The following LRRIQ1 variants were observed in gnomAD, a reference collection of about 807,000 sequenced individuals.
LRRIQ1 encodes leucine-rich repeat- and IQ domain-containing protein 1.
LRRIQ1 carries 210 observed loss-of-function variants against 211.9 expected under a neutral mutation model. The ratio of observed to expected loss-of-function variants is 0.99; its 90% CI spans 0.89 to 1.11. The LOEUF is 1.11. Among genes scored for constraint, LRRIQ1 ranks in the 50% most tolerant of loss-of-function variants. The pLI, the probability that LRRIQ1 is intolerant of heterozygous loss-of-function variation, is 0.00. For synonymous variants in LRRIQ1, 699 were observed against 650.1 expected (o/e 1.08, Z -1.14); for missense variants, 2,136 against 1,939.5 (o/e 1.10, Z -1.90).
chr12:85,038,209 A>C lies in LRRIQ1; in HGVS notation c.33A>C (p.Glu11Asp), dbSNP rs1287424421. 6.3e-7 allele frequency: 1 copy of C among 1,582,532 alleles called. No homozygotes were observed. Residue 11 changes from glutamate to aspartate, a missense_variant, in exon 2 of 27, where the codon GAA (glutamate) becomes GAC (aspartate). Physicochemically the swap from Glu to Asp is conservative, Grantham distance 45. Transcript: ENST00000393217. The stretch of plus-strand genomic sequence containing the variant: ...ATGATGATGCAAAGCTCAAAGCAGA[A>C]ATAGAAGCTGAATTGGATAAACTCA... The part of the protein sequence containing the change: MDDDDAKLKA[E>D]IEAELDKLSI...
intron 24 of LRRIQ1, among the ~76,000 whole-genome samples, chr12:85,196,765 G>C (rs2136984326): frequency 6.6e-6 from 1 of 151,328 alleles, no homozygotes; most frequent in Non-Finnish European, 1.5e-5. Context: ...ACATAGGCAT[G>C]GGCAAGGACT....
intron 19 of LRRIQ1, among the ~76,000 whole-genome samples, chr12:85,148,870 TG>T (rs1339564632): frequency 1.3e-5 from 2 of 152,086 alleles, no homozygotes; most frequent in African/African-American, 4.8e-5. Flanking sequence ...TATCTCATTG[TG>T]GTTTTGATTT....
At chr12:85,217,449 T>C in intron 24 of LRRIQ1, among the ~76,000 whole-genome samples, 1 of 129,438 alleles carries the variant, frequency 7.7e-6, no homozygotes, top group East Asian at 2.3e-4. Flanking sequence ...AACCTTTAGA[T>C]AGAGCAGGGA....
chr12:85,045,825 T>C (rs545789347), intron 4 of LRRIQ1, among the ~76,000 whole-genome samples, 195 bp from the exon 5 acceptor site: 1 of 152,206 alleles, frequency 6.6e-6, no homozygotes, highest in South Asian at 2.1e-4. Context: ...GGGTTACTAA[T>C]GCTTGCATGG....
chr12:85,208,910 C>T (rs988827198), intron 24 of LRRIQ1, among the ~76,000 whole-genome samples: 2 of 152,058 alleles, frequency 1.3e-5, no homozygotes, highest in African/African-American at 4.8e-5. Context: ...GAAATTTTTT[C>T]TGTCTTCTGG....
rs542100732 is a variant in LRRIQ1, at chr12:85,211,467, A to G, written c.4823-18050A>G. 7.2e-5 allele frequency among the ~76,000 whole-genome samples: 11 copies of G among 152,322 alleles called. No homozygotes were observed. In the South Asian group the frequency reaches 2.3e-3, roughly 32 times the overall value. ...CTAGCAGTGGCTGTGATTTTGGGATACGTGTTATGTAAATTAGCACAAACA... is the reference window on the plus strand; with the variant it reads ...CTAGCAGTGGCTGTGATTTTGGGATGCGTGTTATGTAAATTAGCACAAACA... On this transcript the variant is annotated intron_variant, in intron 24 of 26. Transcript: ENST00000393217.
intron 11 of LRRIQ1, among the ~76,000 whole-genome samples, chr12:85,081,190 G>C (rs963741073): frequency 6.6e-6 from 1 of 152,090 alleles, no homozygotes; most frequent in Non-Finnish European, 1.5e-5. Context: ...TCCTAGGTTT[G>C]TAAGCTTTCT....
At chr12:85,144,343 T>C (rs1394890461) in intron 19 of LRRIQ1, among the ~76,000 whole-genome samples, 5 of 151,510 alleles carry the variant, frequency 3.3e-5, no homozygotes, top group Admixed American at 6.6e-5. Flanking sequence ...TACATTTTAT[T>C]TGAGGTAACA....
intron 11 of LRRIQ1, among the ~76,000 whole-genome samples, chr12:85,096,454 T>C (rs1291883041): frequency 3.9e-5 from 6 of 152,148 alleles, no homozygotes; most frequent in Non-Finnish European, 8.8e-5. Context: ...GATTTCCCTG[T>C]AGTTGTGTGG....
Position 85,141,918 on chromosome 12 carries a change from G to A in LRRIQ1, c.4329+3949G>A, listed in dbSNP as rs549957371. On this transcript the variant is annotated intron_variant, in intron 19 of 26. Transcript: ENST00000393217. Reference sequence around the variant, plus strand: ...CTAGTTAATTGAGTTTTATTTTTTCGTGTGCTTCATTCTTTCCTGCCATTA... The same window carrying A: ...CTAGTTAATTGAGTTTTATTTTTTCATGTGCTTCATTCTTTCCTGCCATTA... 3.2e-3 allele frequency among the ~76,000 whole-genome samples: 367 copies of A among 115,732 alleles called. 3 individuals are homozygous for A. Among genetic ancestry groups the A allele is most frequent in the South Asian group, 0.026 (111 of 4,200 alleles). 75.9% of individuals were successfully genotyped at this position (115,732 alleles called of 152,430 possible). A position where few individuals can be genotyped will look rare whatever the true frequency, so the allele number is the denominator to read the frequency against.
intron 3 of LRRIQ1, among the ~76,000 whole-genome samples, chr12:85,042,770 T>C (rs1470372114): frequency 6.6e-6 from 1 of 151,984 alleles, no homozygotes; most frequent in Non-Finnish European, 1.5e-5. Context: ...AAGAGATTTT[T>C]CAAATGTTGC....
At chr12:85,043,607 T>C (rs1879167961) in intron 3 of LRRIQ1, among the ~76,000 whole-genome samples, 1 of 152,090 alleles carries the variant, frequency 6.6e-6, no homozygotes, top group Non-Finnish European at 1.5e-5. Flanking sequence ...ACGGGATATG[T>C]ATACCAGTAG....
chr12:85,113,946 T>TGTGTGTGTGTGTGA (rs1280650917), intron 15 of LRRIQ1, among the ~76,000 whole-genome samples: 1 of 147,284 alleles, frequency 6.8e-6, no homozygotes, highest in Non-Finnish European at 1.5e-5. Context: ...TGTGTGTGTG[T>TGTGTGTGTGTGTGA]GAAAGGCCAC....
In LRRIQ1 at chr12:85,066,823, ACTTCT is replaced by A; in HGVS notation, c.2625_2629del (p.Leu876TrpfsTer7). On this transcript the variant is annotated frameshift_variant, in exon 10 of 27. Coordinates refer to ENST00000393217, the MANE Select transcript of LRRIQ1 (RefSeq NM_001079910.2). LOFTEE classifies it high-confidence loss of function. ...TGTTCTTCTTAATAAAAATCAACTG[ACTTCT>A]CTTCATGGTTTGGATGGCTGTACTA... The A allele has an allele frequency of 1.3e-6, 2 of 1,594,882 alleles. No homozygotes were observed. The highest frequency in any genetic ancestry group is 1.1e-5 in the South Asian group (1 of 89,524).
chr12:85,089,179 T>C (rs954250831), intron 11 of LRRIQ1, among the ~76,000 whole-genome samples: 1 of 152,244 alleles, frequency 6.6e-6, no homozygotes, highest in African/African-American at 2.4e-5. Context: ...AAAGGCCTTT[T>C]CTGCATCTAT....
chr12:85,166,433 T>C (rs1409022750), intron 24 of LRRIQ1, among the ~76,000 whole-genome samples: 3 of 152,248 alleles, frequency 2.0e-5, no homozygotes, highest in Non-Finnish European at 4.4e-5. Flanking sequence ...AAACATATAT[T>C]CAAATATTTT....
intron 24 of LRRIQ1, among the ~76,000 whole-genome samples, chr12:85,182,982 A>G (rs772876014): frequency 2.2e-4 from 33 of 152,174 alleles, no homozygotes; most frequent in Non-Finnish European, 4.0e-4. Flanking sequence ...AAAGTTGTAA[A>G]AGACTGCAGG....
chr12:85,057,129 C>A lies in LRRIQ1; in HGVS notation c.2336C>A (p.Pro779His). The stretch of plus-strand genomic sequence containing the variant: ...GTGAAATGCCCAGCCAACATGACAC[C>A]CGCTTTGGATAAACTGGAAATTCTT... ...RPVKCPANMT[P>H]ALDKLEILRC... The change falls in exon 8 of 27, where the codon CCC becomes CAC. Residue 779 changes from proline (P) to histidine (H), a missense_variant. Physicochemically the swap from Pro to His is moderately conservative, Grantham distance 77 (BLOSUM62 -2). Coordinates refer to ENST00000393217, the MANE Select transcript of LRRIQ1 (RefSeq NM_001079910.2). The A allele has an allele frequency of 6.3e-7, 1 of 1,590,054 alleles. No homozygotes were observed. Among genetic ancestry groups the A allele is most frequent in the African/African-American group, 1.4e-5 (1 of 73,192 alleles).
At chr12:85,117,939 A>T (rs2136397829) in intron 15 of LRRIQ1, among the ~76,000 whole-genome samples, 1 of 152,318 alleles carries the variant, frequency 6.6e-6, no homozygotes, top group Middle Eastern at 3.4e-3. Context: ...TCAGTAATAC[A>T]GTAAACAACT....
Sources: allele counts gnomAD v4.1 joint callset (sites outside exome capture counted in the v4.1 genomes callset), GRCh38; gene constraint gnomAD v4.1.1; transcripts MANE v1.5; gene names NCBI Gene and HGNC (gene_info 2026-07-23, HGNC 2026-07-21).